The following TRAF3IP3 variants were observed in gnomAD, a reference collection of about 807,000 sequenced individuals.
TRAF3IP3 encodes the protein TRAF3 interacting protein 3.
TRAF3IP3 carries 64 observed loss-of-function variants against 86.5 expected under a neutral mutation model. That is an observed-to-expected ratio of 0.74 (90% CI 0.60 to 0.91). The LOEUF (loss-of-function observed/expected upper bound fraction) is 0.91. Ranked by LOEUF, TRAF3IP3 falls within the 40% of genes least tolerant of loss-of-function variation. TRAF3IP3 has a pLI of 0.00. For missense variants in TRAF3IP3, 579 were observed against 642.9 expected, an observed-to-expected ratio of 0.90 and a Z score of 1.07; for synonymous variants, 220 against 243.9, an observed-to-expected ratio of 0.90 and a Z score of 0.91.
At chr1:209,764,387 T>C (rs1210142155) in intron 8 of TRAF3IP3, among the ~76,000 whole-genome samples, 1 of 152,226 alleles carries the variant, frequency 6.6e-6, no homozygotes, top group Non-Finnish European at 1.5e-5. Flanking sequence ...AATACTTATA[T>C]AAGCATTTGC....
chr1:209,763,190 T>G, intron 6 of TRAF3IP3, 98 bp downstream of exon 6: 1 of 1,448,478 alleles, frequency 6.9e-7, no homozygotes, highest in Non-Finnish European at 9.7e-7. Flanking sequence ...GAGGGGCATC[T>G]TCTTCCTGGA....
At chr1:209,775,567 C>T (rs760867785) in intron 10 of TRAF3IP3, 32 bp from the exon 11 acceptor site, 37 of 1,614,032 alleles carry the variant, frequency 2.3e-5, no homozygotes, top group Non-Finnish European at 3.0e-5. Context: ...TGCACAACTC[C>T]CTGGAGCCCT....
intron 1 of TRAF3IP3, among the ~76,000 whole-genome samples, 181 bp downstream of exon 1, chr1:209,756,490 G>A: frequency 6.6e-6 from 1 of 152,236 alleles, no homozygotes; most frequent in East Asian, 1.9e-4. Flanking sequence ...CGCTAGCCAT[G>A]GCACAGGGTA....
In TRAF3IP3 at chr1:209,760,262, G is replaced by C; in HGVS notation, c.223G>C (p.Glu75Gln). The stretch of plus-strand genomic sequence containing the variant: ...CAGGAGGAGGAACCTGGAGCTAGAG[G>C]AGAAGGGCAAAGCGCAGCATCCCCA... ...FFRRRNLELE[E>Q]KGKAQHPQAR... The change falls in exon 3 of 17, where the codon GAG becomes CAG. Residue 75 changes from glutamate to glutamine, a missense_variant. By Grantham distance (29) the Glu-to-Gln change is conservative. Transcript: ENST00000367025. The C allele has an allele frequency of 6.2e-7, 1 of 1,614,240 alleles. No homozygotes were observed. The highest frequency in any genetic ancestry group is 8.5e-7 in the Non-Finnish European group (1 of 1,180,046).
At position 209,760,030 on chromosome 1, in the gene TRAF3IP3, G is replaced by A. The variant is rs995414749; in HGVS notation, c.-10G>A. 8 of 1,600,814 alleles carry A rather than the reference G, an allele frequency of 5.0e-6. No homozygotes were observed. The highest frequency in any genetic ancestry group is 6.8e-6 in the Non-Finnish European group (8 of 1,169,174). ...TGGAAGCCAAGCGCAACAGGTGCTT[G>A]GAGGTCATCATGATCAGCCCAGACC... On this transcript the variant is annotated 5_prime_UTR_variant, in exon 3 of 17. The change creates a premature stop within an existing upstream ORF in the 5' untranslated region. Coordinates refer to ENST00000367025, the MANE Select transcript of TRAF3IP3 (RefSeq NM_025228.4).
In TRAF3IP3 at chr1:209,762,828, C is replaced by A. The variant is rs759960162; in HGVS notation, c.509C>A (p.Ala170Glu). 5 of 1,601,550 alleles carry A rather than the reference C, an allele frequency of 3.1e-6. No individual in the cohort carries two copies. The South Asian group carries it at 5.5e-5, about 18-fold the overall frequency. The change falls in exon 5 of 17, where the codon GCA becomes GAA. Residue 170 changes from alanine to glutamate, a missense_variant. Ala to Glu is a moderately radical substitution (Grantham distance 107). Coordinates refer to ENST00000367025, the MANE Select transcript of TRAF3IP3 (RefSeq NM_025228.4). ...CATCTCTCAGGTACTCAGACAAAGG[C>A]AGAAGGACCAACAATTAAGAACGAT... is the stretch of plus-strand genomic sequence containing the variant. ...PKHHRGTQTK[A>E]EGPTIKNDAS...
At chr1:209,766,787 C>A (rs1221696822) in intron 8 of TRAF3IP3, among the ~76,000 whole-genome samples, 1 of 152,190 alleles carries the variant, frequency 6.6e-6, no homozygotes. Flanking sequence ...TTGCTTGAAC[C>A]CAGGAGGTGG....
At chr1:209,774,525 T>C (rs2077612670) in intron 9 of TRAF3IP3, among the ~76,000 whole-genome samples, 1 of 152,200 alleles carries the variant, frequency 6.6e-6, no homozygotes, top group South Asian at 2.1e-4. Flanking sequence ...ATCTTGAGTA[T>C]TAGTAGAAGT....
chr1:209,775,153 T>C, intron 9 of TRAF3IP3, 196 bp from the exon 10 acceptor site: 1 of 599,616 alleles, frequency 1.7e-6, no homozygotes, highest in Non-Finnish European at 3.0e-6. Context: ...TAGGGCACTG[T>C]TTATTATGCC....
At chr1:209,778,033 T>C in intron 12 of TRAF3IP3, 78 bp from the exon 13 acceptor site, 5 of 1,237,788 alleles carry the variant, frequency 4.0e-6, no homozygotes, top group South Asian at 3.7e-5. Context: ...ACAGCATCTA[T>C]TACTAATTTC....
At chr1:209,771,021 TGTGTGTGTGTGCTCAGGTGGAA>T (rs1397874224) in intron 8 of TRAF3IP3, among the ~76,000 whole-genome samples, 21 of 61,184 alleles carry the variant, frequency 3.4e-4, no homozygotes, top group Non-Finnish European at 5.5e-4. Flanking sequence ...TGCATGTGGA[TGTGTGTGTGTGCTCAGGTGGAA>T]GTGTGCGTGT....
At chr1:209,781,884 A>C (rs1261369204) in intron 16 of TRAF3IP3, 172 bp from the exon 17 acceptor site, 7 of 597,098 alleles carry the variant, frequency 1.2e-5, no homozygotes, top group South Asian at 4.0e-5. Flanking sequence ...ACATTGGTTA[A>C]GTGGTTTTAT....
intron 8 of TRAF3IP3, among the ~76,000 whole-genome samples, chr1:209,765,282 GA>G (rs1414781266): frequency 1.0e-5 from 1 of 95,454 alleles, no homozygotes; most frequent in Non-Finnish European, 2.4e-5. Flanking sequence ...AGGAAGGAAG[GA>G]AGGAAGAAAT....
intron 15 of TRAF3IP3, 108 bp downstream of exon 15, chr1:209,780,714 C>G (rs920494547): frequency 4.0e-5 from 42 of 1,058,244 alleles, no homozygotes; most frequent in Middle Eastern, 2.9e-4. Flanking sequence ...AGTGGATAAC[C>G]ACAGACATTC....
In TRAF3IP3 at chr1:209,782,155, T is replaced by G. The variant is rs1362263501; in HGVS notation, c.*7T>G. The G allele has an allele frequency of 1.2e-6, 2 of 1,609,650 alleles. No homozygotes were observed. The highest frequency in any genetic ancestry group is 1.7e-5 in the Admixed American group (1 of 60,000). ...AGACAACCTGATGATCTGAATAATT[T>G]GTGACAACTGCCTTGGGTGAAAATC... is the stretch of plus-strand genomic sequence containing the variant. On this transcript the variant is annotated 3_prime_UTR_variant, in exon 17 of 17. Coordinates refer to ENST00000367025, the MANE Select transcript of TRAF3IP3 (RefSeq NM_025228.4).
chr1:209,781,502 G>A lies in TRAF3IP3; in HGVS notation c.1563+44G>A, dbSNP rs139323121. On this transcript the variant is annotated intron_variant, in intron 16 of 16. Coordinates refer to ENST00000367025, the MANE Select transcript of TRAF3IP3 (RefSeq NM_025228.4). ...CCCATAAAGCCCTGGATGATGGGAC[G>A]ATTCCTTCTTTAACCAAGTTTTGCA... The A allele has an allele frequency of 1.9e-5, 28 of 1,448,444 alleles. No homozygotes were observed. In the East Asian group the frequency reaches 2.3e-4, roughly 12 times the overall value. The allele number at this position is 1,448,444 out of a possible 1,614,324, so 89.7% of individuals were successfully genotyped here.
Position 209,780,549 on chromosome 1 carries a change from G to C in TRAF3IP3, c.1392G>C (p.Trp464Cys). 6.2e-6 allele frequency: 10 copies of C among 1,601,308 alleles called. No homozygotes were observed. The highest frequency in any genetic ancestry group is 8.5e-6 in the Non-Finnish European group (10 of 1,173,350). ...EPEGTGKEKDWDLRDQLQKKT... is the reference protein window; with the variant it reads ...EPEGTGKEKDCDLRDQLQKKT... ...AGGGTACAGGGAAGGAGAAAGACTG[G>C]GATCTCAGAGACCAGCTGCAAAAGA... Residue 464 changes from tryptophan to cysteine, a missense_variant, in exon 15 of 17, where the codon TGG becomes TGC. By Grantham distance (215) the Trp-to-Cys change is radical. Coordinates refer to ENST00000367025, the MANE Select transcript of TRAF3IP3 (RefSeq NM_025228.4).
chr1:209,771,225 A>C (rs897253166), intron 8 of TRAF3IP3, among the ~76,000 whole-genome samples: 1 of 132,398 alleles, frequency 7.6e-6, no homozygotes, highest in Non-Finnish European at 1.6e-5. Flanking sequence ...GTGTGTGTGC[A>C]TGTGAAGGTA....
intron 8 of TRAF3IP3, among the ~76,000 whole-genome samples, chr1:209,771,753 G>C (rs1225250954): frequency 9.1e-6 from 1 of 110,220 alleles, no homozygotes; most frequent in African/African-American, 3.3e-5. Context: ...GTGTGTGCGC[G>C]CATGTGAAGG....
Sources: allele counts gnomAD v4.1 joint callset (sites outside exome capture counted in the v4.1 genomes callset), GRCh38; gene constraint gnomAD v4.1.1; transcripts MANE v1.5; gene names NCBI Gene and HGNC (gene_info 2026-07-23, HGNC 2026-07-21).